The following MYO1D variants were observed in gnomAD, a reference collection of about 807,000 sequenced individuals.
MYO1D encodes the protein unconventional myosin-Id.
Under a neutral mutation model 122.0 loss-of-function variants are expected in MYO1D, and 83 were observed. The ratio of observed to expected loss-of-function variants is 0.68; its 90% confidence interval spans 0.57 to 0.82. The LOEUF (loss-of-function observed/expected upper bound fraction) is 0.82, where lower values mean the gene tolerates loss of function less well. MYO1D is among the 40% of genes least tolerant of loss of function. The pLI is 0.00. For missense variants in MYO1D, 1,157 were observed against 1,269.5 expected, an observed-to-expected ratio of 0.91 and a Z score of 1.35; for synonymous variants, 464 against 446.9, an observed-to-expected ratio of 1.04 and a Z score of -0.48.
At chr17:32,520,249 C>A (rs1380617354) in intron 21 of MYO1D, among the ~76,000 whole-genome samples, 3 of 152,178 alleles carry the variant, frequency 2.0e-5, no homozygotes, top group African/African-American at 7.2e-5. Flanking sequence ...AGCCCCGGGA[C>A]CTGCCGCACA....
chr17:32,684,619 GAAA>G (rs942038011), intron 16 of MYO1D, among the ~76,000 whole-genome samples: 1 of 152,114 alleles, frequency 6.6e-6, no homozygotes, highest in African/African-American at 2.4e-5. Context: ...GCACTAAAAA[GAAA>G]CAGCCCATCC....
intron 21 of MYO1D, among the ~76,000 whole-genome samples, chr17:32,500,161 G>A (rs1008568371): frequency 6.6e-6 from 1 of 152,194 alleles, no homozygotes; most frequent in South Asian, 2.1e-4. Flanking sequence ...CACTGGCTGG[G>A]CCACAGGTTC....
At chr17:32,619,921 T>C (rs544355591) in intron 20 of MYO1D, among the ~76,000 whole-genome samples, 6 of 152,328 alleles carry the variant, frequency 3.9e-5, no homozygotes, top group South Asian at 2.1e-4. Flanking sequence ...TGATGAGTGA[T>C]TTTGTATTGT....
intron 1 of MYO1D, among the ~76,000 whole-genome samples, chr17:32,791,703 T>G (rs960979866): frequency 2.0e-5 from 3 of 152,184 alleles, no homozygotes; most frequent in African/African-American, 7.2e-5. Flanking sequence ...CTACCTTTTT[T>G]GTAAATTTGA....
At chr17:32,686,636 C>T (rs1325823157) in intron 16 of MYO1D, among the ~76,000 whole-genome samples, 2 of 151,976 alleles carry the variant, frequency 1.3e-5, no homozygotes, top group South Asian at 2.1e-4. Context: ...GAGGCTGAGA[C>T]AGGAGGATCA....
At chr17:32,753,253 G>GA (rs371284886) in intron 11 of MYO1D, among the ~76,000 whole-genome samples, 2 of 39,482 alleles carry the variant, frequency 5.1e-5, no homozygotes, top group East Asian at 5.3e-3. Flanking sequence ...TCCAAAAGCA[G>GA]GGGGTGAGAG....
At chr17:32,532,803 C>A (rs1302546774) in intron 21 of MYO1D, among the ~76,000 whole-genome samples, 1 of 151,580 alleles carries the variant, frequency 6.6e-6, no homozygotes, top group African/African-American at 2.4e-5. Context: ...AGGCCCTCCA[C>A]TCCCATTGTT....
At chr17:32,846,102 TA>T (rs1200333748) in intron 1 of MYO1D, among the ~76,000 whole-genome samples, 1 of 152,170 alleles carries the variant, frequency 6.6e-6, no homozygotes, top group Non-Finnish European at 1.5e-5. Context: ...TTAATAGGAC[TA>T]AGATTTTATT....
At chr17:32,686,845 G>C (rs1252166221) in intron 16 of MYO1D, among the ~76,000 whole-genome samples, 1 of 151,922 alleles carries the variant, frequency 6.6e-6, no homozygotes, top group Non-Finnish European at 1.5e-5. Flanking sequence ...CAGCCTGGGT[G>C]ATAAGAGTGA....
At chr17:32,630,535 G>C (rs1026596990) in intron 20 of MYO1D, among the ~76,000 whole-genome samples, 4 of 152,068 alleles carry the variant, frequency 2.6e-5, no homozygotes, top group South Asian at 2.1e-4. Flanking sequence ...TGAAGTTCTG[G>C]AGGCTGGAAG....
intron 21 of MYO1D, among the ~76,000 whole-genome samples, chr17:32,597,188 G>A (rs899343808): frequency 6.6e-6 from 1 of 152,162 alleles, no homozygotes; most frequent in African/African-American, 2.4e-5. Context: ...AAAACTAGCT[G>A]CCACTTATTA....
chr17:32,734,193 G>A (rs2089670289), intron 14 of MYO1D, among the ~76,000 whole-genome samples: 1 of 152,000 alleles, frequency 6.6e-6, no homozygotes, highest in South Asian at 2.1e-4. Flanking sequence ...ATTCTTTAAG[G>A]TTACTGATAT....
intron 1 of MYO1D, among the ~76,000 whole-genome samples, chr17:32,820,551 C>A (rs1330947471): frequency 1.3e-5 from 2 of 152,090 alleles, no homozygotes; most frequent in Admixed American, 1.3e-4. Flanking sequence ...CATGATTTCA[C>A]TTACAATATG....
At chr17:32,806,931 T>C (rs368857339) in intron 1 of MYO1D, among the ~76,000 whole-genome samples, 1 of 152,358 alleles carries the variant, frequency 6.6e-6, no homozygotes, top group African/African-American at 2.4e-5. Context: ...TGGCAACACG[T>C]AAGCCTTAAC....
At chr17:32,714,869 C>G (rs1180152043) in intron 15 of MYO1D, among the ~76,000 whole-genome samples, 1 of 151,974 alleles carries the variant, frequency 6.6e-6, no homozygotes, top group Non-Finnish European at 1.5e-5. Context: ...TCAGAGTGAA[C>G]AGACAACTTA....
At chr17:32,528,187 T>C (rs1254874300) in intron 21 of MYO1D, among the ~76,000 whole-genome samples, 1 of 152,192 alleles carries the variant, frequency 6.6e-6, no homozygotes, top group African/African-American at 2.4e-5. Flanking sequence ...CTACCCCACT[T>C]AAGGCTTGCC....
chr17:32,549,607 C>T (rs1377841833), intron 21 of MYO1D, among the ~76,000 whole-genome samples: 1 of 152,156 alleles, frequency 6.6e-6, no homozygotes, highest in East Asian at 1.9e-4. Context: ...GAGGGTCTGC[C>T]ATGAGTTGGA....
chr17:32,714,362 C>T (rs1340739486), intron 15 of MYO1D, among the ~76,000 whole-genome samples: 2 of 152,152 alleles, frequency 1.3e-5, no homozygotes, highest in Non-Finnish European at 2.9e-5. Flanking sequence ...AGGATAGTGG[C>T]TTCCAGCTCC....
intron 12 of MYO1D, 79 bp from the exon 13 acceptor site, chr17:32,745,364 G>T: frequency 2.4e-6 from 2 of 823,504 alleles, no homozygotes; most frequent in Non-Finnish European, 3.9e-6. Flanking sequence ...GAGGCAACAA[G>T]CCTTTCCACC....
Sources: gnomAD v4.1 joint callset for allele counts (sites outside exome capture counted in the v4.1 genomes callset) on GRCh38, gnomAD v4.1.1 for gene constraint, MANE v1.5 for transcripts, NCBI Gene and HGNC (gene_info 2026-07-23, HGNC 2026-07-21) for gene names.